Variants in NSRP1 observed in about 807,000 individuals in gnomAD.
NSRP1 encodes the protein nuclear speckle splicing regulatory protein 1.
Under a neutral mutation model 54.7 loss-of-function variants are expected in NSRP1, and 24 were observed. The observed-to-expected ratio is 0.44, with a 90% confidence interval of 0.32 to 0.62. The LOEUF (loss-of-function observed/expected upper bound fraction) is 0.62, where lower values mean the gene tolerates loss of function less well. NSRP1 is among the 20% of genes least tolerant of loss of function. The pLI, the probability that NSRP1 is intolerant of heterozygous loss-of-function variation, is 0.06. For synonymous variants in NSRP1, 210 were observed against 213.8 expected (o/e 0.98, Z 0.15); for missense variants, 596 against 651.2 (o/e 0.92, Z 0.92).
chr17:30,134,541 G>A (rs992002834), intron 2 of NSRP1, among the ~76,000 whole-genome samples: 4 of 152,180 alleles, frequency 2.6e-5, no homozygotes. Context: ...ATCTGTGCAG[G>A]TTTCAGCTGA....
Position 30,117,365 on chromosome 17 carries a change from C to T in NSRP1, c.20+502C>T, listed in dbSNP as rs1210110243. The T allele has an allele frequency of 9.7e-6, 5 of 515,090 alleles. No homozygotes were observed. The African/African-American group carries it at 9.8e-5, about 10-fold the overall frequency. 31.9% of individuals were successfully genotyped at this position (515,090 alleles called of 1,614,324 possible). ...TATAGGAAATTGGGGTATACGTTGCCGCAAAAGAGACAAATACTGTACGTA... is the reference window on the plus strand; with the variant it reads ...TATAGGAAATTGGGGTATACGTTGCTGCAAAAGAGACAAATACTGTACGTA... On this transcript the variant is annotated intron_variant, in intron 1 of 6. Transcript: ENST00000247026.
intron 2 of NSRP1, among the ~76,000 whole-genome samples, chr17:30,145,569 G>A (rs541753060): frequency 4.6e-4 from 70 of 152,226 alleles, no homozygotes; most frequent in Middle Eastern, 6.8e-3. Context: ...GCAACAGAGC[G>A]AGACTCCATC....
chr17:30,167,215 G>C (rs751492854), intron 2 of NSRP1, among the ~76,000 whole-genome samples: 1 of 152,122 alleles, frequency 6.6e-6, no homozygotes, highest in African/African-American at 2.4e-5. Flanking sequence ...TAAATGATAC[G>C]ATTTCATTCT....
chr17:30,158,219 G>A (rs1216908512), intron 2 of NSRP1, among the ~76,000 whole-genome samples: 2 of 151,614 alleles, frequency 1.3e-5, no homozygotes, highest in Non-Finnish European at 2.9e-5. Context: ...CTGATGATTA[G>A]TGATTAGCAT....
At chr17:30,149,207 T>C (rs1448277844) in intron 2 of NSRP1, among the ~76,000 whole-genome samples, 5 of 152,188 alleles carry the variant, frequency 3.3e-5, no homozygotes, top group African/African-American at 1.2e-4. Context: ...TTTCTATTCT[T>C]TTATTTAATT....
chr17:30,137,803 T>G (rs1170283261), intron 2 of NSRP1, among the ~76,000 whole-genome samples: 1 of 152,216 alleles, frequency 6.6e-6, no homozygotes, highest in Non-Finnish European at 1.5e-5. Context: ...TCTTGGTGTA[T>G]TATTCTTTAA....
intron 2 of NSRP1, among the ~76,000 whole-genome samples, chr17:30,171,968 A>T (rs1292444191): frequency 4.7e-3 from 558 of 119,584 alleles, no homozygotes; most frequent in Admixed American, 6.8e-3. Flanking sequence ...ACACACACAC[A>T]CACACTCCCT....
At chr17:30,173,420 G>C (rs1443790448) in intron 3 of NSRP1, among the ~76,000 whole-genome samples, 1 of 152,140 alleles carries the variant, frequency 6.6e-6, no homozygotes. Flanking sequence ...ATCGAACTAG[G>C]CCTGAAGGTT....
At chr17:30,176,282 C>T (rs1905123321) in intron 3 of NSRP1, among the ~76,000 whole-genome samples, 1 of 152,072 alleles carries the variant, frequency 6.6e-6, no homozygotes, top group Admixed American at 6.6e-5. Context: ...CCCTACAGCT[C>T]TCCTCCCAAC....
intron 2 of NSRP1, among the ~76,000 whole-genome samples, chr17:30,154,190 AGGTGCCTGT>A (rs1254754728): frequency 6.6e-6 from 1 of 152,018 alleles, no homozygotes; most frequent in Admixed American, 6.6e-5. Context: ...ATGTGGTGGC[AGGTGCCTGT>A]GGTCCCAGCT....
intron 2 of NSRP1, among the ~76,000 whole-genome samples, chr17:30,133,003 G>A (rs541629750): frequency 5.3e-5 from 8 of 152,146 alleles, no homozygotes; most frequent in Admixed American, 2.0e-4. Flanking sequence ...GCAGTGGTGC[G>A]ATCTTGGTTC....
intron 2 of NSRP1, among the ~76,000 whole-genome samples, chr17:30,170,678 T>G (rs1251496900): frequency 6.6e-6 from 1 of 152,154 alleles, no homozygotes; most frequent in Non-Finnish European, 1.5e-5. Flanking sequence ...TATCCATTCA[T>G]TTGTCAATGA....
chr17:30,157,021 C>A (rs549331309), intron 2 of NSRP1, among the ~76,000 whole-genome samples: 3 of 152,282 alleles, frequency 2.0e-5, no homozygotes, highest in Non-Finnish European at 4.4e-5. Flanking sequence ...AGTGATATTG[C>A]TGGATCTTAC....
At chr17:30,123,536 C>T (rs1204111129) in intron 2 of NSRP1, among the ~76,000 whole-genome samples, 1 of 152,092 alleles carries the variant, frequency 6.6e-6, no homozygotes, top group Non-Finnish European at 1.5e-5. Flanking sequence ...GTTCACTTTT[C>T]TTGAAAATAT....
intron 2 of NSRP1, chr17:30,163,227 G>GTGTC (rs1904595599): frequency 6.8e-6 from 1 of 147,808 alleles, no homozygotes; most frequent in African/African-American, 2.6e-5. Context: ...GTGTGTGTGT[G>GTGTC]TGTGTGTGTG....
intron 2 of NSRP1, among the ~76,000 whole-genome samples, chr17:30,157,605 A>T (rs1904353176): frequency 6.6e-6 from 1 of 152,156 alleles, no homozygotes; most frequent in African/African-American, 2.4e-5. Context: ...AGTGTTGGAT[A>T]GCAGACTAGG....
At chr17:30,177,216 T>C (rs578249756) in intron 3 of NSRP1, among the ~76,000 whole-genome samples, 4 of 151,204 alleles carry the variant, frequency 2.6e-5, no homozygotes, top group Non-Finnish European at 4.4e-5. Flanking sequence ...ACAAAACATA[T>C]AAAAATTAGC....
chr17:30,180,230 C>T (rs1327927116), intron 5 of NSRP1, among the ~76,000 whole-genome samples: 2 of 152,210 alleles, frequency 1.3e-5, no homozygotes, highest in South Asian at 2.1e-4. Flanking sequence ...GATCTTGGCT[C>T]ACTGCAACCT....
chr17:30,175,410 TTTTTGTTTTG>T (rs578021076), intron 3 of NSRP1, among the ~76,000 whole-genome samples: 5 of 151,980 alleles, frequency 3.3e-5, no homozygotes, highest in African/African-American at 4.8e-5. Flanking sequence ...TTTTTGGGGT[TTTTTGTTTTG>T]TTTTGTTTTG....
Sources: allele counts gnomAD v4.1 joint callset (sites outside exome capture counted in the v4.1 genomes callset), GRCh38; gene constraint gnomAD v4.1.1; transcripts MANE v1.5; gene names NCBI Gene and HGNC (gene_info 2026-07-23, HGNC 2026-07-21).